The following PRKN variants were observed in gnomAD, a reference collection of about 807,000 sequenced individuals.
PRKN encodes E3 ubiquitin-protein ligase parkin.
Under a neutral mutation model 59.5 loss-of-function variants are expected in PRKN, and 56 were observed. That is an observed-to-expected ratio of 0.94 (90% CI 0.76 to 1.18). The LOEUF (loss-of-function observed/expected upper bound fraction) is 1.18, where lower values mean the gene tolerates loss of function less well. PRKN is among the 50% of genes most tolerant of loss of function. The probability of loss-of-function intolerance (pLI) is 0.00; values close to 1 mark genes in which losing one functional copy is unlikely to be tolerated. For synonymous variants in PRKN, 250 were observed against 222.1 expected, an observed-to-expected ratio of 1.13 and a Z score of -1.12; for missense variants, 657 against 596.4, an observed-to-expected ratio of 1.10 and a Z score of -1.06.
At chr6:162,039,182 C>T (rs547005897) in intron 5 of PRKN, among the ~76,000 whole-genome samples, 1 of 151,928 alleles carries the variant, frequency 6.6e-6, no homozygotes, top group African/African-American at 2.4e-5. Context: ...GTGCTTGCTA[C>T]TGTTTGTCTG....
intron 7 of PRKN, among the ~76,000 whole-genome samples, chr6:161,709,259 T>C (rs889779665): frequency 6.6e-6 from 1 of 152,186 alleles, no homozygotes; most frequent in Non-Finnish European, 1.5e-5. Flanking sequence ...ATTTAAAGTT[T>C]CTCACTTCAA....
At chr6:162,616,219 G>A (rs1782406274) in intron 1 of PRKN, among the ~76,000 whole-genome samples, 1 of 152,042 alleles carries the variant, frequency 6.6e-6, no homozygotes. Context: ...TGAAGACTTT[G>A]TGCATTATCC....
intron 7 of PRKN, among the ~76,000 whole-genome samples, chr6:161,738,094 A>C (rs2128190323): frequency 6.6e-6 from 1 of 152,300 alleles, no homozygotes; most frequent in Admixed American, 6.5e-5. Context: ...AGTGAGTTTC[A>C]AAAGTAGATT....
At chr6:162,433,408 T>A (rs2128163985) in intron 2 of PRKN, among the ~76,000 whole-genome samples, 1 of 152,214 alleles carries the variant, frequency 6.6e-6, no homozygotes, top group East Asian at 1.9e-4. Context: ...CTTAAGTGAT[T>A]TCATCTAGTG....
At chr6:162,555,457 T>C (rs1295225133) in intron 1 of PRKN, among the ~76,000 whole-genome samples, 2 of 152,140 alleles carry the variant, frequency 1.3e-5, no homozygotes, top group African/African-American at 2.4e-5. Flanking sequence ...AAAGAAAAAC[T>C]TAAAACATTA....
intron 2 of PRKN, among the ~76,000 whole-genome samples, chr6:162,308,680 C>G (rs1169040212): frequency 1.3e-5 from 2 of 152,122 alleles, no homozygotes; most frequent in Non-Finnish European, 2.9e-5. Flanking sequence ...GAGTACCCAT[C>G]TGTTGTACGG....
rs1201232536 is a variant in PRKN at position 162,163,353 on chromosome 6, G to A, written c.534+37778C>T. On this transcript the variant is annotated intron_variant, in intron 4 of 11. Transcript: ENST00000366898. ...ATTTTTCATTAATCAAATGCAATGTGTAACCAGTTACAAAGCCTGTAGTAT... is the reference window on the plus strand; with the variant it reads ...ATTTTTCATTAATCAAATGCAATGTATAACCAGTTACAAAGCCTGTAGTAT... 2.7e-5 allele frequency among the ~76,000 whole-genome samples: 4 copies of A among 149,528 alleles called. 1 individual carries two copies. The highest frequency in any genetic ancestry group is 1.5e-5 in the Non-Finnish European group (1 of 67,522).
At chr6:162,473,460 G>A (rs1011080368) in intron 1 of PRKN, among the ~76,000 whole-genome samples, 1 of 152,070 alleles carries the variant, frequency 6.6e-6, no homozygotes, top group African/African-American at 2.4e-5. Context: ...TTATAACATA[G>A]TTTCTAGAAC....
intron 5 of PRKN, among the ~76,000 whole-genome samples, chr6:161,996,295 C>T (rs998415058): frequency 2.0e-5 from 3 of 152,146 alleles, no homozygotes; most frequent in African/African-American, 7.2e-5. Context: ...AAGCCAGGCA[C>T]TGGACAAATA....
Position 161,388,990 on chromosome 6 carries a change from G to C in PRKN, c.1084-2113C>G, listed in dbSNP as rs62435888. Among the ~76,000 whole-genome samples, 10,957 of 152,240 alleles carry C rather than the reference G, an allele frequency of 0.072. 442 individuals carry two copies. The highest frequency in any genetic ancestry group is 0.08 in the Non-Finnish European group (5,473 of 68,024). ...TATAATATGCTGAAAGTAGTGTCTGGAAGATTCAAAAATTTACAGAGACTT... is the reference window on the plus strand; with the variant it reads ...TATAATATGCTGAAAGTAGTGTCTGCAAGATTCAAAAATTTACAGAGACTT... On this transcript the variant is annotated intron_variant, in intron 9 of 11. Coordinates refer to ENST00000366898, the MANE Select transcript of PRKN (RefSeq NM_004562.3). The surrounding 1 kb of genome is among the most constrained non-coding windows in gnomAD (Gnocchi z 4.3).
At chr6:162,319,062 A>C (rs1782871555) in intron 2 of PRKN, among the ~76,000 whole-genome samples, 1 of 152,018 alleles carries the variant, frequency 6.6e-6, no homozygotes, top group African/African-American at 2.4e-5. Context: ...TATTCTTTAC[A>C]CAGTCTTCAT....
At chr6:162,107,224 G>A (rs945133419) in intron 4 of PRKN, among the ~76,000 whole-genome samples, 7 of 152,190 alleles carry the variant, frequency 4.6e-5, no homozygotes, top group African/African-American at 1.7e-4. Context: ...CAGCACTTTG[G>A]GAGGCCAAAG....
At chr6:162,301,788 G>GGT (rs1554297458) in intron 2 of PRKN, among the ~76,000 whole-genome samples, 1 of 113,818 alleles carries the variant, frequency 8.8e-6, no homozygotes, top group Non-Finnish European at 1.8e-5. Context: ...CGGGGCGGGG[G>GGT]GGGGGTGCAG....
chr6:162,269,699 G>A (rs1009595794), intron 2 of PRKN: 1 of 152,134 alleles, frequency 6.6e-6, no homozygotes, highest in African/African-American at 2.4e-5. Flanking sequence ...TTCTAAATCT[G>A]TTAAACTCTA....
At chr6:162,404,040 T>C (rs1787937774) in intron 2 of PRKN, among the ~76,000 whole-genome samples, 1 of 151,974 alleles carries the variant, frequency 6.6e-6, no homozygotes, top group Non-Finnish European at 1.5e-5. Flanking sequence ...AAAATAGAGG[T>C]TGGTTGGCAA....
chr6:162,343,881 T>C (rs6921784), intron 2 of PRKN, among the ~76,000 whole-genome samples: 17,942 of 152,164 alleles, frequency 0.12, 2,108 homozygotes, highest in African/African-American at 0.31. Context: ...ACGTTACTTA[T>C]GAAATACTTT....
chr6:162,401,398 T>C (rs905064565), intron 2 of PRKN, among the ~76,000 whole-genome samples: 3 of 152,112 alleles, frequency 2.0e-5, no homozygotes, highest in African/African-American at 7.2e-5. Context: ...AAAATGCATT[T>C]AATACATTTA....
At position 161,376,443 on chromosome 6, in the gene PRKN, T is replaced by C. The variant is rs1358847178; in HGVS notation, c.1167+10351A>G. ...ACCATCGTTCTAAGCTAGACATTCA[T>C]GCATCAACATTAACCCGTCTCCTCT... On this transcript the variant is annotated intron_variant, in intron 10 of 11. Transcript: ENST00000366898. The surrounding 1 kb of genome is among the most constrained non-coding windows in gnomAD (Gnocchi z 7.3). Among the ~76,000 whole-genome samples, 1 of 152,230 alleles carries C rather than the reference T, an allele frequency of 6.6e-6. No individual in the cohort carries two copies. Among genetic ancestry groups the C allele is most frequent in the Admixed American group, 6.5e-5 (1 of 15,284 alleles).
At chr6:162,130,301 T>A (rs1486961799) in intron 4 of PRKN, among the ~76,000 whole-genome samples, 1 of 152,148 alleles carries the variant, frequency 6.6e-6, no homozygotes, top group Non-Finnish European at 1.5e-5. Context: ...ATTTCATCTA[T>A]CACACAACAG....
Sources: gnomAD v4.1 joint callset for allele counts (sites outside exome capture counted in the v4.1 genomes callset) on GRCh38, gnomAD v4.1.1 for gene constraint, Gnocchi (gnomAD v3.1) non-coding constraint, MANE v1.5 for transcripts, NCBI Gene and HGNC (gene_info 2026-07-23, HGNC 2026-07-21) for gene names.